The following ENAH variants were observed in gnomAD, a reference collection of about 807,000 sequenced individuals.
The protein encoded by ENAH is protein enabled homolog.
In ENAH, 23 loss-of-function variants were observed where a neutral mutation model predicts 78.7. The ratio of observed to expected loss-of-function variants is 0.29; its 90% CI spans 0.21 to 0.41. ENAH has a LOEUF of 0.41. ENAH is among the 10% of genes least tolerant of loss of function. The pLI is 1.00. For missense variants in ENAH, 544 were observed against 691.0 expected (o/e 0.79, Z 2.39); for synonymous variants, 226 against 241.0 (o/e 0.94, Z 0.58).
Position 225,530,561 on chromosome 1 carries a change from G to T in ENAH, c.427C>A (p.Gln143Lys). 1 of 1,611,780 alleles carries T rather than the reference G, an allele frequency of 6.2e-7. No homozygotes were observed. Among genetic ancestry groups the T allele is most frequent in the South Asian group, 1.1e-5 (1 of 90,974 alleles). The change falls in exon 4 of 14, where the codon CAA becomes AAA. Residue 143 changes from glutamine to lysine, a missense_variant. Physicochemically the swap from Gln to Lys is moderately conservative, Grantham distance 53. Around this residue, in one of 4 missense-constraint regions of ENAH, gnomAD observed 366 missense variants for 396.1 expected, o/e 0.92. Transcript: ENST00000366843. ...AATAACTTGAAAATTTACCTTCTTT[G>T]AATTTCCAATTCTTCTTGGGATGGG... ...NGPSQEELEI[Q>K]RRQLQEQQRQ...
Position 225,488,791 on chromosome 1 carries a change from T to C in ENAH, c.*8984A>G, listed in dbSNP as rs1197602017. 1 of 152,224 alleles carries C rather than the reference T, an allele frequency of 6.6e-6. No homozygotes were observed. The highest frequency in any genetic ancestry group is 2.4e-5 in the African/African-American group (1 of 41,474). 9.4% of individuals were successfully genotyped at this position (152,224 alleles called of 1,614,324 possible). A position where few individuals can be genotyped will look rare whatever the true frequency, so the allele number is the denominator to read the frequency against. On this transcript the variant is annotated 3_prime_UTR_variant, in exon 14 of 14. Coordinates refer to ENST00000366843, the MANE Select transcript of ENAH (RefSeq NM_018212.6). ...CATCTTTTATCATCCCAAACTGCTA[T>C]TTCCATCTCTGACTTTCTGCCAAAT...
intron 5 of ENAH, chr1:225,517,710 A>G (rs1008128723): frequency 1.3e-6 from 2 of 1,551,110 alleles, no homozygotes; most frequent in Admixed American, 2.0e-5. Flanking sequence ...AAGAAGGTCG[A>G]GAGTTTTTGT....
chr1:225,530,959 T>C (rs1359385944), intron 3 of ENAH: 3 of 404,642 alleles, frequency 7.4e-6, no homozygotes, highest in Non-Finnish European at 1.3e-5. Flanking sequence ...TGACAGTTTC[T>C]AAGACAATGA....
chr1:225,626,755 A>G (rs2148312145), intron 1 of ENAH, among the ~76,000 whole-genome samples: 1 of 152,386 alleles, frequency 6.6e-6, no homozygotes, highest in Middle Eastern at 3.4e-3. Context: ...CAACTGTGTT[A>G]GCATTAACAT....
At chr1:225,517,961 C>T (rs944002952) in intron 5 of ENAH, 1 of 1,545,320 alleles carries the variant, frequency 6.5e-7, no homozygotes, top group Non-Finnish European at 8.7e-7. Context: ...GGAAGTGGAG[C>T]GTTATACAGG....
chr1:225,508,066 G>C, intron 10 of ENAH, 49 bp from the exon 11 acceptor site: 1 of 1,215,060 alleles, frequency 8.2e-7, no homozygotes, highest in Non-Finnish European at 1.1e-6. Flanking sequence ...TGCTTCCAGA[G>C]TTATTATAAA....
chr1:225,496,976 A>G lies in ENAH; in HGVS notation c.*799T>C, dbSNP rs2096252508. ...TGCATAAATCTAAAAAAGGTTGAAA[A>G]CCTACAGTAAATCTACAATATAGTG... is the stretch of plus-strand genomic sequence containing the variant. On this transcript the variant is annotated 3_prime_UTR_variant, in exon 14 of 14. Transcript: ENST00000366843. The G allele has an allele frequency of 6.5e-6, 1 of 152,738 alleles. No individual in the cohort carries two copies. Among genetic ancestry groups the G allele is most frequent in the East Asian group, 1.9e-4 (1 of 5,188 alleles). 9.5% of individuals were successfully genotyped at this position (152,738 alleles called of 1,614,324 possible). A position where few individuals can be genotyped will look rare whatever the true frequency, so the allele number is the denominator to read the frequency against.
intron 3 of ENAH, among the ~76,000 whole-genome samples, chr1:225,545,910 CTTTT>C (rs56105983): frequency 0.4 from 43,651 of 109,426 alleles, 8,899 homozygotes; most frequent in Middle Eastern, 0.5. Flanking sequence ...CATCTGTAAA[CTTTT>C]TTTTTTTTTT....
chr1:225,518,100 A>G, intron 5 of ENAH: 1 of 886,088 alleles, frequency 1.1e-6, no homozygotes, highest in South Asian at 1.8e-5. Context: ...ATAAATGTAG[A>G]CTACAGTTAG....
chr1:225,515,301 T>C (rs1184555334), intron 6 of ENAH: 1 of 173,698 alleles, frequency 5.8e-6, no homozygotes, highest in Non-Finnish European at 1.2e-5. Context: ...ATAATCCACA[T>C]TAACCTTAAG....
intron 1 of ENAH, among the ~76,000 whole-genome samples, chr1:225,615,005 CCTCCACGGTCTCCCTCTGATGCCCT>C (rs2097016956): frequency 6.6e-6 from 1 of 151,460 alleles, no homozygotes; most frequent in African/African-American, 2.4e-5. Flanking sequence ...TCTCCCTCTC[CCTCCACGGTCTCCCTCTGATGCCCT>C]CTCCCCGGTC....
At chr1:225,585,874 A>G (rs1345569502) in intron 1 of ENAH, among the ~76,000 whole-genome samples, 1 of 152,200 alleles carries the variant, frequency 6.6e-6, no homozygotes, top group Non-Finnish European at 1.5e-5. Context: ...GTGAATGCAT[A>G]TATGAGAAAA....
chr1:225,610,213 C>T (rs1026398044), intron 1 of ENAH, among the ~76,000 whole-genome samples: 4 of 150,494 alleles, frequency 2.7e-5, no homozygotes, highest in African/African-American at 4.9e-5. Flanking sequence ...TATGTACTAA[C>T]GTGATTTTCT....
intron 1 of ENAH, among the ~76,000 whole-genome samples, chr1:225,631,447 G>A (rs545673141): frequency 2.6e-4 from 40 of 151,468 alleles, no homozygotes; most frequent in East Asian, 1.7e-3. Flanking sequence ...GGTGGCACAC[G>A]CCTGTAGTCC....
intron 1 of ENAH, among the ~76,000 whole-genome samples, chr1:225,644,607 A>G (rs1327313374): frequency 6.6e-6 from 1 of 152,166 alleles, no homozygotes; most frequent in Non-Finnish European, 1.5e-5. Context: ...AGAGCTATTC[A>G]TTTTATTTTA....
chr1:225,601,435 G>A (rs1408550191), intron 1 of ENAH, among the ~76,000 whole-genome samples: 2 of 151,614 alleles, frequency 1.3e-5, no homozygotes, highest in South Asian at 2.1e-4. Context: ...AGAGAATGGC[G>A]TGAACCTGGG....
chr1:225,651,354 A>G (rs2148527037), intron 1 of ENAH, among the ~76,000 whole-genome samples: 1 of 152,228 alleles, frequency 6.6e-6, no homozygotes, highest in African/African-American at 2.4e-5. Context: ...ATATCACAAT[A>G]TATATATAAA....
chr1:225,531,126 A>G (rs1163850571), intron 3 of ENAH: 1 of 398,174 alleles, frequency 2.5e-6, no homozygotes, highest in Non-Finnish European at 4.4e-6. Flanking sequence ...ATGCTAAAGC[A>G]TTTATCAAAT....
intron 1 of ENAH, among the ~76,000 whole-genome samples, chr1:225,649,982 C>T (rs1662672166): frequency 6.6e-6 from 1 of 152,188 alleles, no homozygotes; most frequent in Non-Finnish European, 1.5e-5. Flanking sequence ...AAAAGACTAA[C>T]ATTAACGTCC....
Sources: allele counts gnomAD v4.1 joint callset (sites outside exome capture counted in the v4.1 genomes callset), GRCh38; gene constraint gnomAD v4.1.1; regional missense constraint gnomAD v4.1.1; transcripts MANE v1.5; gene names NCBI Gene and HGNC (gene_info 2026-07-23, HGNC 2026-07-21).